COL23A1: variants seen among roughly 807,000 people sequenced by gnomAD.
The protein encoded by COL23A1 is collagen alpha-1(XXIII) chain.
Under a neutral mutation model 99.3 loss-of-function variants are expected in COL23A1, and 97 were observed. That is an observed-to-expected ratio of 0.98 (90% CI 0.83 to 1.16). The LOEUF (loss-of-function observed/expected upper bound fraction) is 1.16. COL23A1 is among the 50% of genes most tolerant of loss of function. The probability of loss-of-function intolerance (pLI) is 0.00; values close to 1 mark genes in which losing one functional copy is unlikely to be tolerated. For synonymous variants in COL23A1, 320 were observed against 308.2 expected (o/e 1.04, Z -0.40); for missense variants, 762 against 757.4 (o/e 1.01, Z -0.07).
At chr5:178,323,579 G>A (rs1485736046) in intron 2 of COL23A1, among the ~76,000 whole-genome samples, 2 of 152,130 alleles carry the variant, frequency 1.3e-5, no homozygotes, top group Non-Finnish European at 2.9e-5. Context: ...GGGAAGCTGG[G>A]AGCCCCTGCT....
intron 2 of COL23A1, among the ~76,000 whole-genome samples, chr5:178,509,443 G>A (rs971692510): frequency 2.0e-5 from 3 of 152,006 alleles, no homozygotes; most frequent in Non-Finnish European, 4.4e-5. Context: ...GGCTGGTTTT[G>A]TACTCCTGAC....
intron 2 of COL23A1, among the ~76,000 whole-genome samples, chr5:178,374,102 C>T (rs191183571): frequency 9.9e-5 from 15 of 152,280 alleles, no homozygotes; most frequent in Admixed American, 3.9e-4. Context: ...TCTCAGCACA[C>T]GCCAGCTTCT....
At chr5:178,421,882 G>A (rs572070311) in intron 2 of COL23A1, among the ~76,000 whole-genome samples, 1 of 152,194 alleles carries the variant, frequency 6.6e-6, no homozygotes, top group Non-Finnish European at 1.5e-5. Flanking sequence ...AAACACACAC[G>A]CATACACGCA....
chr5:178,277,012 T>G (rs1756621995), intron 5 of COL23A1, among the ~76,000 whole-genome samples: 1 of 152,164 alleles, frequency 6.6e-6, no homozygotes, highest in Non-Finnish European at 1.5e-5. Flanking sequence ...ATCTGTAGTG[T>G]GAGGGGCTGG....
intron 2 of COL23A1, among the ~76,000 whole-genome samples, chr5:178,542,201 G>A (rs1328812869): frequency 6.6e-6 from 1 of 152,028 alleles, no homozygotes; most frequent in Non-Finnish European, 1.5e-5. Flanking sequence ...TTACAGGCAC[G>A]CGCCACCACA....
chr5:178,322,596 T>G (rs572008121), intron 2 of COL23A1, among the ~76,000 whole-genome samples: 36 of 45,664 alleles, frequency 7.9e-4, no homozygotes, highest in African/African-American at 6.1e-3. Context: ...AGCTGGCTCC[T>G]GCCTGGGGGT....
At chr5:178,478,506 G>A (rs918315344) in intron 2 of COL23A1, among the ~76,000 whole-genome samples, 2 of 152,218 alleles carry the variant, frequency 1.3e-5, no homozygotes, top group Middle Eastern at 3.4e-3. Context: ...CTTGGAAGTT[G>A]TGCTTTCCAT....
intron 2 of COL23A1, among the ~76,000 whole-genome samples, chr5:178,556,110 G>C (rs75197628): frequency 6.6e-6 from 1 of 152,132 alleles, no homozygotes. Context: ...CGTCCTTGGC[G>C]GGGACTGGCC....
intron 2 of COL23A1, among the ~76,000 whole-genome samples, chr5:178,509,933 C>CA (rs1165475636): frequency 6.6e-6 from 1 of 152,202 alleles, no homozygotes; most frequent in Non-Finnish European, 1.5e-5. Flanking sequence ...CAGGATGTGA[C>CA]AACTCCTGTA....
rs113808130 is a variant in COL23A1, at chr5:178,515,331, G to A, written c.361+45351C>T. Among the ~76,000 whole-genome samples, 102 of 152,346 alleles carry A rather than the reference G, an allele frequency of 6.7e-4. 2 individuals are homozygous for A. The highest frequency in any genetic ancestry group is 2.3e-3 in the African/African-American group (96 of 41,588). ...CTGCAGTCTGCCTTCCCCAGGAAGC[G>A]GTGAGTGTTGGGTGTGAGCCTGTCC... On this transcript the variant is annotated intron_variant, in intron 2 of 28. Transcript: ENST00000390654.
intron 1 of COL23A1, among the ~76,000 whole-genome samples, chr5:178,567,551 TG>T (rs1762897158): frequency 6.6e-6 from 1 of 152,158 alleles, no homozygotes; most frequent in African/African-American, 2.4e-5. Flanking sequence ...AACACCAGCC[TG>T]GCTAACATGG....
At chr5:178,290,583 G>A (rs940653265) in intron 3 of COL23A1, among the ~76,000 whole-genome samples, 5 of 152,222 alleles carry the variant, frequency 3.3e-5, no homozygotes, top group Non-Finnish European at 5.9e-5. Flanking sequence ...GGATGGTCAC[G>A]GGGGTGGTGG....
At chr5:178,397,561 C>T (rs1447348883) in intron 2 of COL23A1, among the ~76,000 whole-genome samples, 1 of 152,252 alleles carries the variant, frequency 6.6e-6, no homozygotes, top group African/African-American at 2.4e-5. Context: ...CCCACTCATG[C>T]CGCTGTCTTG....
Position 178,238,613 on chromosome 5 carries a change from A to G in COL23A1, c.*85T>C. 1 of 1,559,596 alleles carries G rather than the reference A, an allele frequency of 6.4e-7. No individual in the cohort carries two copies. Among genetic ancestry groups the G allele is most frequent in the Non-Finnish European group, 8.8e-7 (1 of 1,133,816 alleles). ...GGCCACAGGTAGCGCATTCCATGAA[A>G]AAAGATCAATATATTACTGTTTTGT... On this transcript the variant is annotated 3_prime_UTR_variant, in exon 29 of 29. Transcript: ENST00000390654.
intron 13 of COL23A1, 88 bp from the exon 14 acceptor site, chr5:178,257,016 AGCCTCGCGATTAG>A: frequency 7.8e-7 from 1 of 1,279,278 alleles, no homozygotes; most frequent in Non-Finnish European, 1.1e-6. Context: ...GGTTGCCTGA[AGCCTCGCGATTAG>A]GCCTCCTGGC....
intron 16 of COL23A1, among the ~76,000 whole-genome samples, chr5:178,253,285 C>T (rs1036059205): frequency 1.3e-5 from 2 of 150,776 alleles, no homozygotes; most frequent in Admixed American, 6.6e-5. Flanking sequence ...GGTCTCTCCC[C>T]TCCCACCTCC....
chr5:178,565,649 C>T (rs928082189), intron 1 of COL23A1, among the ~76,000 whole-genome samples: 2 of 152,114 alleles, frequency 1.3e-5, no homozygotes, highest in South Asian at 2.1e-4. Context: ...TTATCTATTC[C>T]TCCTGATAAC....
chr5:178,470,991 T>C (rs2546636), intron 2 of COL23A1, among the ~76,000 whole-genome samples: 123,675 of 152,176 alleles, frequency 0.81, 51,244 homozygotes, highest in Non-Finnish European at 0.9. Context: ...TTTGCTAACT[T>C]TCAGCTCTGT....
chr5:178,574,552 G>T (rs1329150215), intron 1 of COL23A1, among the ~76,000 whole-genome samples: 22 of 152,142 alleles, frequency 1.4e-4, no homozygotes, highest in Non-Finnish European at 8.8e-5. Context: ...CAATGAAAAG[G>T]TTGCTCCCGG....
Sources: gnomAD v4.1 joint callset for allele counts (sites outside exome capture counted in the v4.1 genomes callset) on GRCh38, gnomAD v4.1.1 for gene constraint, MANE v1.5 for transcripts, NCBI Gene and HGNC (gene_info 2026-07-23, HGNC 2026-07-21) for gene names.